SHANK2: variants seen among roughly 807,000 people sequenced by gnomAD.
SHANK2 encodes the protein SH3 and multiple ankyrin repeat domains 2, also known as SH3 and multiple ankyrin repeat domains protein 2.
Under a neutral mutation model 133.7 loss-of-function variants are expected in SHANK2, and 43 were observed. The ratio of observed to expected loss-of-function variants is 0.32; its 90% CI spans 0.25 to 0.41. The LOEUF (loss-of-function observed/expected upper bound fraction) is 0.41, where lower values mean the gene tolerates loss of function less well. Among genes scored for constraint, SHANK2 ranks in the 10% least tolerant of loss-of-function variants. The pLI is 1.00. For synonymous variants in SHANK2, 1,017 were observed against 952.8 expected (o/e 1.07, Z -1.24); for missense variants, 1,994 against 2,235.8 (o/e 0.89, Z 2.18).
At chr11:70,941,489 G>C (rs1950647352) in intron 10 of SHANK2, among the ~76,000 whole-genome samples, 1 of 152,202 alleles carries the variant, frequency 6.6e-6, no homozygotes. Context: ...ACTAAATTGT[G>C]TGTCCCCTCC....
intron 6 of SHANK2, among the ~76,000 whole-genome samples, chr11:71,105,862 G>A (rs1209497424): frequency 8.5e-5 from 13 of 152,216 alleles, no homozygotes; most frequent in African/African-American, 3.1e-4. Context: ...ACAGCACCAA[G>A]CATAAACCCT....
intron 15 of SHANK2, among the ~76,000 whole-genome samples, chr11:70,669,809 G>C (rs538438583): frequency 2.0e-5 from 3 of 152,124 alleles, no homozygotes; most frequent in Non-Finnish European, 4.4e-5. Context: ...ACCACTCGGA[G>C]GGCAGGTGTT....
chr11:70,516,977 G>T (rs1264907172), intron 17 of SHANK2, among the ~76,000 whole-genome samples: 5 of 152,178 alleles, frequency 3.3e-5, no homozygotes, highest in African/African-American at 9.7e-5. Context: ...GGAGGCTGAG[G>T]CAGGAGAATC....
At chr11:71,108,491 T>C (rs1951835179) in intron 6 of SHANK2, among the ~76,000 whole-genome samples, 1 of 151,976 alleles carries the variant, frequency 6.6e-6, no homozygotes, top group African/African-American at 2.4e-5. Flanking sequence ...CTTGTCCCAA[T>C]CACTCCCTTT....
chr11:70,743,267 T>C (rs1259828510), intron 14 of SHANK2, among the ~76,000 whole-genome samples: 2 of 152,164 alleles, frequency 1.3e-5, no homozygotes, highest in South Asian at 2.1e-4. Flanking sequence ...AGTTCATATA[T>C]TGGGGCCGAA....
intron 14 of SHANK2, among the ~76,000 whole-genome samples, chr11:70,699,265 C>T (rs1226302488): frequency 6.0e-5 from 9 of 148,830 alleles, no homozygotes; most frequent in Non-Finnish European, 1.0e-4. Context: ...AAAAAAGCAC[C>T]AAACCCACAT....
intron 14 of SHANK2, among the ~76,000 whole-genome samples, chr11:70,719,161 G>A (rs1040335103): frequency 2.0e-5 from 3 of 152,222 alleles, no homozygotes; most frequent in African/African-American, 7.2e-5. Flanking sequence ...TCCAGATAGC[G>A]TGGGGTGTAA....
chr11:70,800,024 G>GT lies in SHANK2; in HGVS notation c.1664-1469dup, dbSNP rs552326536. ...GGAAGGAAAATCTTTATATCTTAGGGTTTTTTTTTTGTTTTTTGTTTTTTT... is the reference window on the plus strand; with the variant it reads ...GGAAGGAAAATCTTTATATCTTAGGGTTTTTTTTTTTGTTTTTTGTTTTTTT... On this transcript the variant is annotated intron_variant, in intron 13 of 25. Coordinates refer to ENST00000601538, the MANE Select transcript of SHANK2 (RefSeq NM_012309.5). 1.8e-3 allele frequency among the ~76,000 whole-genome samples: 268 copies of GT among 148,244 alleles called. 1 individual carries two copies. The highest frequency in any genetic ancestry group is 0.011 in the Middle Eastern group (3 of 284).
intron 11 of SHANK2, among the ~76,000 whole-genome samples, chr11:70,825,036 G>A (rs149535325): frequency 6.6e-6 from 1 of 152,174 alleles, no homozygotes; most frequent in Non-Finnish European, 1.5e-5. Context: ...GACATCACAG[G>A]GCCCCCAGTC....
At chr11:71,166,473 C>CTTTTTTTTTTTTT (rs1322143159) in intron 2 of SHANK2, among the ~76,000 whole-genome samples, 5 of 131,380 alleles carry the variant, frequency 3.8e-5, no homozygotes, top group East Asian at 2.2e-4. Flanking sequence ...ATCCACACGT[C>CTTTTTTTTTTTTT]TTTTTTTTCT....
intron 10 of SHANK2, among the ~76,000 whole-genome samples, chr11:70,951,566 ATAAATT>A (rs1950843483): frequency 1.1e-4 from 5 of 44,714 alleles, no homozygotes; most frequent in Non-Finnish European, 1.8e-4. Flanking sequence ...TGGTGACGTC[ATAAATT>A]CATTTCCTCT....
intron 14 of SHANK2, among the ~76,000 whole-genome samples, chr11:70,727,844 C>A: frequency 6.6e-6 from 1 of 152,240 alleles, no homozygotes; most frequent in Middle Eastern, 3.2e-3. Flanking sequence ...GGGCCATGGG[C>A]TGTCCTCAGT....
intron 8 of SHANK2, among the ~76,000 whole-genome samples, chr11:71,080,238 T>C (rs1951279955): frequency 1.3e-5 from 2 of 152,096 alleles, no homozygotes; most frequent in African/African-American, 4.8e-5. Flanking sequence ...GCTCCACCCA[T>C]GTCTGCTGCC....
At chr11:70,518,328 G>A (rs1336594430) in intron 17 of SHANK2, among the ~76,000 whole-genome samples, 3 of 152,136 alleles carry the variant, frequency 2.0e-5, no homozygotes, top group African/African-American at 7.2e-5. Context: ...TCACACCACT[G>A]TACTCCAGCC....
chr11:70,633,339 AG>A (rs1439704203), intron 17 of SHANK2, among the ~76,000 whole-genome samples: 1 of 151,540 alleles, frequency 6.6e-6, no homozygotes, highest in Non-Finnish European at 1.5e-5. Context: ...CATACTGGTG[AG>A]GAAGAGAGAG....
intron 8 of SHANK2, among the ~76,000 whole-genome samples, chr11:71,077,617 T>G (rs1951238836): frequency 6.6e-6 from 1 of 151,954 alleles, no homozygotes; most frequent in Non-Finnish European, 1.5e-5. Flanking sequence ...TTTTTTTAAG[T>G]GTCATTTCGG....
chr11:70,858,987 T>C (rs550747853), intron 11 of SHANK2, among the ~76,000 whole-genome samples: 2 of 152,370 alleles, frequency 1.3e-5, no homozygotes, highest in Admixed American at 6.5e-5. Context: ...TCTCATGCTG[T>C]CCTTTCCACA....
At chr11:70,862,811 C>G in intron 11 of SHANK2, 1 of 275,554 alleles carries the variant, frequency 3.6e-6, no homozygotes, top group South Asian at 3.3e-5. Context: ...TTGGGATTCC[C>G]CCACGGGAGT....
intron 11 of SHANK2, among the ~76,000 whole-genome samples, chr11:70,881,574 TTAATAATAA>T (rs71049950): frequency 0.01 from 395 of 39,364 alleles, 1 homozygote; most frequent in African/African-American, 0.016. Context: ...AATAATAATA[TTAATAATAA>T]TAATAATAAT....
Sources: gnomAD v4.1 joint callset for allele counts (sites outside exome capture counted in the v4.1 genomes callset) on GRCh38, gnomAD v4.1.1 for gene constraint, MANE v1.5 for transcripts, NCBI Gene and HGNC (gene_info 2026-07-23, HGNC 2026-07-21) for gene names.